TRMT11: variants seen among roughly 807,000 people sequenced by gnomAD.
The protein encoded by TRMT11 is tRNA methyltransferase 11, also known as tRNA (guanine(10)-N(2))-methyltransferase TRMT11.
In TRMT11, 53 loss-of-function variants were observed where a neutral mutation model predicts 62.8. The ratio of observed to expected loss-of-function variants is 0.84; its 90% CI spans 0.68 to 1.06. TRMT11 has a LOEUF of 1.06. Among genes scored for constraint, TRMT11 ranks in the 50% least tolerant of loss-of-function variants. TRMT11 has a pLI of 0.00. For missense variants in TRMT11, 556 were observed against 553.4 expected (o/e 1.00, Z -0.05); for synonymous variants, 188 against 190.3 (o/e 0.99, Z 0.10).
chr6:126,110,194 T>G (rs1037943661), intron 17 of TRMT11, among the ~76,000 whole-genome samples: 1 of 152,126 alleles, frequency 6.6e-6, no homozygotes, highest in Non-Finnish European at 1.5e-5. Context: ...GCATTATTAT[T>G]GGCTTTTTTG....
the TRMT11 span, among the ~76,000 whole-genome samples, chr6:126,243,683 GAC>G: frequency 6.6e-6 from 1 of 152,016 alleles, no homozygotes; most frequent in African/African-American, 2.4e-5. Context: ...CTATCCCAAG[GAC>G]AAAAAACTAA....
chr6:126,038,638 A>G, intron 12 of TRMT11, 67 bp from the exon 13 acceptor site: 1 of 1,419,610 alleles, frequency 7.0e-7, no homozygotes, highest in Non-Finnish European at 9.3e-7. Flanking sequence ...GCTTAAGGTA[A>G]ACAACTGCTT....
At chr6:126,224,377 A>G in the TRMT11 span, among the ~76,000 whole-genome samples, 2 of 152,112 alleles carry the variant, frequency 1.3e-5, no homozygotes, top group Non-Finnish European at 2.9e-5. Context: ...GTTGGGTTCA[A>G]TCTGGTAGCT....
intron 21 of TRMT11, among the ~76,000 whole-genome samples, chr6:126,159,651 T>C (rs1230767858): frequency 1.3e-5 from 2 of 152,104 alleles, no homozygotes; most frequent in African/African-American, 4.8e-5. Flanking sequence ...TATTACAAAG[T>C]AAGAGGCTTA....
At chr6:126,038,360 G>T (rs1775555527) in intron 12 of TRMT11, among the ~76,000 whole-genome samples, 1 of 149,676 alleles carries the variant, frequency 6.7e-6, no homozygotes, top group African/African-American at 2.5e-5. Flanking sequence ...GATGACTTCA[G>T]TGTGTGCTGA....
intron 21 of TRMT11, among the ~76,000 whole-genome samples, chr6:126,130,524 G>A (rs1777769743): frequency 6.6e-6 from 1 of 152,038 alleles, no homozygotes; most frequent in Non-Finnish European, 1.5e-5. Context: ...CAATGTGCCT[G>A]GAGAAGAAGA....
chr6:126,089,026 A>G (rs1777244418), intron 17 of TRMT11, among the ~76,000 whole-genome samples: 1 of 152,156 alleles, frequency 6.6e-6, no homozygotes. Flanking sequence ...TTACAGACCA[A>G]TATCACCTTG....
the TRMT11 span, among the ~76,000 whole-genome samples, chr6:126,263,142 A>C: frequency 6.6e-6 from 1 of 151,864 alleles, no homozygotes; most frequent in Non-Finnish European, 1.5e-5. Flanking sequence ...TGTTCAGCTC[A>C]GTTGCCATCT....
intron 16 of TRMT11, among the ~76,000 whole-genome samples, chr6:126,048,733 A>G (rs953891290): frequency 1.3e-5 from 2 of 152,092 alleles, no homozygotes; most frequent in Non-Finnish European, 2.9e-5. Context: ...ACTCCTGCCA[A>G]AAGTCGACCT....
chr6:126,204,408 C>G (rs988449346), downstream of TRMT11, among the ~76,000 whole-genome samples: 19 of 152,186 alleles, frequency 1.2e-4, no homozygotes, highest in African/African-American at 4.6e-4. Flanking sequence ...GGCTATGACT[C>G]TCTCACACCA....
chr6:126,240,398 C>A, the TRMT11 span, among the ~76,000 whole-genome samples: 1 of 152,090 alleles, frequency 6.6e-6, no homozygotes, highest in Admixed American at 6.5e-5. Flanking sequence ...GTGTGGATGT[C>A]ATTTCTGTTT....
intron 17 of TRMT11, among the ~76,000 whole-genome samples, chr6:126,075,066 T>C (rs1010996145): frequency 1.3e-5 from 2 of 152,134 alleles, no homozygotes; most frequent in African/African-American, 4.8e-5. Flanking sequence ...CTTTTCAGGG[T>C]GTCGAGTTTC....
At chr6:126,206,234 T>G (rs1267765220), downstream of TRMT11, among the ~76,000 whole-genome samples, 6 of 152,186 alleles carry the variant, frequency 3.9e-5, no homozygotes, top group Admixed American at 3.9e-4. Flanking sequence ...TGCTTTTGAG[T>G]TGTTGCTTTC....
rs1177176358 is a variant in TRMT11 at position 126,182,835 on chromosome 6, T to C, written n.143+5500T>C. On this transcript the variant is annotated intron_variant and non_coding_transcript_variant, in intron 1 of 3. Transcript: ENST00000444229. ...TGAATCATTGTCTGTCTTTTGACCC[T>C]CAGATCACCTTTTTTATTTTGCAAT... 2.0e-5 allele frequency among the ~76,000 whole-genome samples: 3 copies of C among 152,148 alleles called. No individual in the cohort carries two copies. In the East Asian group the frequency reaches 5.8e-4, roughly 29 times the overall value.
chr6:126,217,978 C>T, the TRMT11 span, among the ~76,000 whole-genome samples: 2 of 152,074 alleles, frequency 1.3e-5, no homozygotes, highest in African/African-American at 2.4e-5. Context: ...ATGTCCTTCC[C>T]ACTCTTCCCT....
At chr6:126,130,612 T>G (rs1777771313) in intron 21 of TRMT11, among the ~76,000 whole-genome samples, 2 of 152,066 alleles carry the variant, frequency 1.3e-5, no homozygotes. Context: ...ACACTTCTGA[T>G]TCTCCAAAGT....
chr6:126,041,307 T>G (rs1022610799), downstream of TRMT11, among the ~76,000 whole-genome samples: 8 of 152,166 alleles, frequency 5.3e-5, no homozygotes, highest in Non-Finnish European at 2.9e-5. Flanking sequence ...TTTAAAAGTT[T>G]GAGACATGGA....
At chr6:126,074,530 G>C (rs540535298) in intron 17 of TRMT11, among the ~76,000 whole-genome samples, 1 of 152,254 alleles carries the variant, frequency 6.6e-6, no homozygotes, top group African/African-American at 2.4e-5. Flanking sequence ...CAAATGGAGA[G>C]AAAAGACACT....
intron 12 of TRMT11, among the ~76,000 whole-genome samples, chr6:126,036,700 G>A (rs1168246029): frequency 6.6e-6 from 1 of 152,124 alleles, no homozygotes; most frequent in Non-Finnish European, 1.5e-5. Context: ...AGCTAACACA[G>A]CTTAGGAAGT....
Sources: gnomAD v4.1 joint callset for allele counts (sites outside exome capture counted in the v4.1 genomes callset) on GRCh38, gnomAD v4.1.1 for gene constraint, MANE v1.5 for transcripts, NCBI Gene and HGNC (gene_info 2026-07-23, HGNC 2026-07-21) for gene names.